The following SEMA6D variants were observed in gnomAD, a reference collection of about 807,000 sequenced individuals.
SEMA6D encodes the protein semaphorin 6D.
Under a neutral mutation model 106.6 loss-of-function variants are expected in SEMA6D, and 35 were observed. The observed-to-expected ratio is 0.33, with a 90% CI of 0.25 to 0.44. The LOEUF is 0.44. Among genes scored for constraint, SEMA6D ranks in the 20% least tolerant of loss-of-function variants. The pLI, the probability that SEMA6D is intolerant of heterozygous loss-of-function variation, is 1.00. For missense variants in SEMA6D, 1,185 were observed against 1,345.9 expected, an observed-to-expected ratio of 0.88 and a Z score of 1.87; for synonymous variants, 499 against 487.7, an observed-to-expected ratio of 1.02 and a Z score of -0.31.
intron 1 of SEMA6D, among the ~76,000 whole-genome samples, chr15:47,286,633 T>C (rs61998453): frequency 0.018 from 2,762 of 152,210 alleles, 51 homozygotes; most frequent in African/African-American, 0.024. Context: ...ATATGTTGTG[T>C]TATGTGAAGT....
chr15:47,609,782 G>A (rs771898531), intron 4 of SEMA6D, among the ~76,000 whole-genome samples: 14 of 152,236 alleles, frequency 9.2e-5, no homozygotes, highest in Non-Finnish European at 1.5e-4. Flanking sequence ...GCACTCCCAG[G>A]TGATACCGCA....
chr15:47,675,061 G>T (rs911984466), intron 4 of SEMA6D, among the ~76,000 whole-genome samples: 1 of 152,192 alleles, frequency 6.6e-6, no homozygotes, highest in Non-Finnish European at 1.5e-5. Context: ...AGAGGTGTTC[G>T]ATCCAGGAGT....
intron 1 of SEMA6D, among the ~76,000 whole-genome samples, chr15:47,724,466 G>A (rs2146428385): frequency 6.6e-6 from 1 of 152,362 alleles, no homozygotes; most frequent in Non-Finnish European, 1.5e-5. Flanking sequence ...ATTGAGAAGA[G>A]TGAGAGGTTA....
intron 1 of SEMA6D, among the ~76,000 whole-genome samples, chr15:47,408,710 A>G (rs2040681763): frequency 6.6e-6 from 1 of 152,260 alleles, no homozygotes; most frequent in African/African-American, 2.4e-5. Flanking sequence ...AAAGACACAC[A>G]GAGCCTGATG....
chr15:47,401,857 G>A (rs1023064931), intron 1 of SEMA6D, among the ~76,000 whole-genome samples: 4 of 152,134 alleles, frequency 2.6e-5, no homozygotes, highest in African/African-American at 9.7e-5. Context: ...CATACCACCC[G>A]CAGCACATTT....
At chr15:47,285,692 G>A (rs1036571707) in intron 1 of SEMA6D, among the ~76,000 whole-genome samples, 11 of 152,174 alleles carry the variant, frequency 7.2e-5, no homozygotes, top group African/African-American at 2.2e-4. Flanking sequence ...GTCACTTACT[G>A]TGAGGAATGA....
chr15:47,211,119 T>G (rs953841646), intron 1 of SEMA6D, among the ~76,000 whole-genome samples: 3 of 152,198 alleles, frequency 2.0e-5, no homozygotes, highest in East Asian at 1.9e-4. Flanking sequence ...TGCCTAATGA[T>G]GCCAGTAATA....
chr15:47,658,799 T>C (rs143057994), intron 4 of SEMA6D, among the ~76,000 whole-genome samples: 1 of 152,076 alleles, frequency 6.6e-6, no homozygotes, highest in Non-Finnish European at 1.5e-5. Context: ...TAACAAGGCA[T>C]AGGAGACTGT....
At chr15:47,195,595 C>T (rs982883842) in intron 1 of SEMA6D, among the ~76,000 whole-genome samples, 3 of 152,088 alleles carry the variant, frequency 2.0e-5, no homozygotes, top group African/African-American at 7.2e-5. Context: ...GTCAAAACCA[C>T]ACTCTTGTTC....
At chr15:47,320,324 T>A (rs963486060) in intron 1 of SEMA6D, among the ~76,000 whole-genome samples, 18 of 152,186 alleles carry the variant, frequency 1.2e-4, no homozygotes, top group African/African-American at 4.3e-4. Context: ...GACCTTAGAA[T>A]CAGTGTTCAG....
At chr15:47,343,363 G>A (rs893975067) in intron 1 of SEMA6D, among the ~76,000 whole-genome samples, 46 of 151,388 alleles carry the variant, frequency 3.0e-4, no homozygotes, top group Non-Finnish European at 1.0e-4. Context: ...CCATTAACTC[G>A]TCATTTAGCG....
chr15:47,729,992 T>G (rs2080010862), intron 1 of SEMA6D, among the ~76,000 whole-genome samples: 1 of 152,224 alleles, frequency 6.6e-6, no homozygotes, highest in Admixed American at 6.5e-5. Context: ...GGAGAGAGTC[T>G]ATATGACCTC....
intron 2 of SEMA6D, among the ~76,000 whole-genome samples, chr15:47,445,548 T>C (rs925904881): frequency 2.6e-5 from 4 of 152,026 alleles, no homozygotes; most frequent in Non-Finnish European, 5.9e-5. Context: ...TTATGGTGTA[T>C]ATCAGTTTGA....
chr15:47,524,660 A>T (rs1052055844), intron 3 of SEMA6D, among the ~76,000 whole-genome samples: 3 of 152,208 alleles, frequency 2.0e-5, no homozygotes, highest in African/African-American at 7.2e-5. Context: ...GAACTACAGT[A>T]TCAAGATTTT....
At chr15:47,304,500 A>T (rs1465274988) in intron 1 of SEMA6D, among the ~76,000 whole-genome samples, 3 of 150,308 alleles carry the variant, frequency 2.0e-5, no homozygotes, top group Non-Finnish European at 2.9e-5. Flanking sequence ...CTATTCTTTC[A>T]TAAAAAGGAG....
At chr15:47,648,229 G>A (rs1395426213) in intron 4 of SEMA6D, among the ~76,000 whole-genome samples, 1 of 152,178 alleles carries the variant, frequency 6.6e-6, no homozygotes, top group Non-Finnish European at 1.5e-5. Flanking sequence ...TGTCTGTGTG[G>A]AGTTGGCACA....
intron 4 of SEMA6D, chr15:47,604,108 TG>T (rs2076722956): frequency 6.6e-6 from 1 of 152,198 alleles, no homozygotes; most frequent in Admixed American, 6.5e-5. Context: ...CTCTTGGCAA[TG>T]ACTAAGACCA....
chr15:47,360,284 C>T (rs680246), intron 1 of SEMA6D, among the ~76,000 whole-genome samples: 129,808 of 152,188 alleles, frequency 0.85, 55,559 homozygotes, highest in South Asian at 0.89. Context: ...TTCTTCAGTT[C>T]CCCCCCAGTG....
chr15:47,271,125 G>T (rs1005279708), intron 1 of SEMA6D, among the ~76,000 whole-genome samples: 1 of 152,106 alleles, frequency 6.6e-6, no homozygotes, highest in Non-Finnish European at 1.5e-5. Flanking sequence ...TTATTTCATG[G>T]TTTTTTGACA....
Sources: allele counts gnomAD v4.1 joint callset (sites outside exome capture counted in the v4.1 genomes callset), GRCh38; gene constraint gnomAD v4.1.1; transcripts MANE v1.5; gene names NCBI Gene and HGNC (gene_info 2026-07-23, HGNC 2026-07-21).